The following SPG11 variants were observed in gnomAD, a reference collection of about 807,000 sequenced individuals.
The protein encoded by SPG11 is SPG11 vesicle trafficking associated, spatacsin.
In SPG11, 222 loss-of-function variants were observed where a neutral mutation model predicts 274.0. That is an observed-to-expected ratio of 0.81 (90% CI 0.73 to 0.91). The LOEUF (loss-of-function observed/expected upper bound fraction) is 0.91. Ranked by LOEUF, SPG11 falls within the 40% of genes least tolerant of loss-of-function variation. SPG11 has a pLI of 0.00. For synonymous variants in SPG11, 1,144 were observed against 1,039.7 expected (o/e 1.10, Z -1.93); for missense variants, 3,114 against 2,872.7 (o/e 1.08, Z -1.92).
intron 29 of SPG11, among the ~76,000 whole-genome samples, chr15:44,584,939 T>C (rs2082726792): frequency 1.3e-5 from 2 of 152,184 alleles, no homozygotes; most frequent in Non-Finnish European, 2.9e-5. Context: ...TTATCATACT[T>C]GTTAAAACCA....
At position 44,595,365 on chromosome 15, in the gene SPG11, G is replaced by C. The variant is rs1439216000; in HGVS notation, c.4529C>G (p.Thr1510Arg). 6.2e-7 allele frequency: 1 copy of C among 1,614,194 alleles called. No homozygotes were observed. The highest frequency in any genetic ancestry group is 1.7e-5 in the Admixed American group (1 of 60,024). Reference protein sequence around the residue: ...TEAMGHIQDSTEDHTWNLEDL... With the variant: ...TEAMGHIQDSREDHTWNLEDL... ...CTCAAGGTTCCAGGTATGGTCCTCTGTTGAGTCCTGAATGTGTCCCATTGC... is the reference window on the plus strand; with the variant it reads ...CTCAAGGTTCCAGGTATGGTCCTCTCTTGAGTCCTGAATGTGTCCCATTGC... The change falls in exon 26 of 40, where the codon ACA becomes AGA. Residue 1510 changes from threonine (T) to arginine (R), a missense_variant. Coordinates refer to ENST00000261866, the MANE Select transcript of SPG11 (RefSeq NM_025137.4).
At chr15:44,637,893 C>A (rs1011470297) in intron 7 of SPG11, among the ~76,000 whole-genome samples, 1 of 152,164 alleles carries the variant, frequency 6.6e-6, no homozygotes, top group Non-Finnish European at 1.5e-5. Context: ...TAGCTCCATG[C>A]ATGTTACTGC....
In SPG11 at chr15:44,579,059, G is replaced by A. The variant is rs1165976427; in HGVS notation, c.5867-4018C>T. 2.6e-5 allele frequency among the ~76,000 whole-genome samples: 4 copies of A among 152,146 alleles called. No homozygotes were observed. In the South Asian group the frequency reaches 8.3e-4, roughly 31 times the overall value. On this transcript the variant is annotated intron_variant, in intron 30 of 39. Coordinates refer to ENST00000261866, the MANE Select transcript of SPG11 (RefSeq NM_025137.4). ...TGTAATCCCAGCTACTCGGGAGGCT[G>A]AGACATGAGAATCTCTTGAACCTGG...
At chr15:44,571,496 C>CT (rs796235342) in intron 33 of SPG11, among the ~76,000 whole-genome samples, 8,430 of 126,116 alleles carry the variant, frequency 0.067, 424 homozygotes, top group East Asian at 0.16. Context: ...AATTTCTTTT[C>CT]TTTTTTTTTT....
chr15:44,574,513 G>C (rs1038270370), intron 31 of SPG11, among the ~76,000 whole-genome samples: 2 of 152,126 alleles, frequency 1.3e-5, no homozygotes, highest in Non-Finnish European at 2.9e-5. Context: ...AGGTACAGAC[G>C]ATTTCTGCTT....
intron 11 of SPG11, among the ~76,000 whole-genome samples, chr15:44,623,748 A>ACTTTC (rs2083818394): frequency 6.6e-6 from 1 of 152,062 alleles, no homozygotes; most frequent in Non-Finnish European, 1.5e-5. Context: ...CTAACAGAGT[A>ACTTTC]CTTTTCTTTT....
chr15:44,613,939 G>A (rs188592240), intron 16 of SPG11, among the ~76,000 whole-genome samples: 35 of 152,264 alleles, frequency 2.3e-4, no homozygotes, highest in African/African-American at 7.7e-4. Context: ...AGTTACTTGG[G>A]AGGCGGAGGT....
intron 15 of SPG11, among the ~76,000 whole-genome samples, chr15:44,618,766 G>A (rs555198480): frequency 7.4e-4 from 112 of 151,402 alleles, no homozygotes; most frequent in African/African-American, 2.7e-3. Context: ...CTTGTAGTGA[G>A]CCAATATCAC....
chr15:44,629,201 A>G lies in SPG11; in HGVS notation c.1891+32T>C, dbSNP rs2083987505. 4.3e-6 allele frequency: 7 copies of G among 1,610,444 alleles called. No individual in the cohort carries two copies. The East Asian group carries it at 1.6e-4, about 36-fold the overall frequency. On this transcript the variant is annotated intron_variant, in intron 9 of 39. Coordinates refer to ENST00000261866, the MANE Select transcript of SPG11 (RefSeq NM_025137.4). Reference sequence around the variant, plus strand: ...GTATCTGTTCTGACACAGGAACAGTAGAATTGCCCCCTTCCTAGCTGCTAT... The same window carrying G: ...GTATCTGTTCTGACACAGGAACAGTGGAATTGCCCCCTTCCTAGCTGCTAT...
At chr15:44,637,820 C>G (rs1212936994) in intron 7 of SPG11, among the ~76,000 whole-genome samples, 1 of 152,138 alleles carries the variant, frequency 6.6e-6, no homozygotes, top group East Asian at 1.9e-4. Context: ...CTTTTTTAAG[C>G]TGGCTATAAA....
chr15:44,585,556 C>T lies in SPG11; in HGVS notation c.5121+80G>A, dbSNP rs148235733. The T allele has an allele frequency of 5.9e-4, 694 of 1,183,780 alleles. 6 individuals carry two copies. In the African/African-American group the frequency reaches 9.4e-3, roughly 16 times the overall value. 73.3% of individuals were successfully genotyped at this position (1,183,780 alleles called of 1,614,324 possible). On this transcript the variant is annotated intron_variant, in intron 29 of 39. Coordinates refer to ENST00000261866, the MANE Select transcript of SPG11 (RefSeq NM_025137.4). ...GGCGGAGCTTGCAGCGAGCGGAGATCGCGCCACTGCACTCCAGCCTGGGTG... is the reference window on the plus strand; with the variant it reads ...GGCGGAGCTTGCAGCGAGCGGAGATTGCGCCACTGCACTCCAGCCTGGGTG...
chr15:44,605,763 A>C (rs912177682), intron 20 of SPG11, among the ~76,000 whole-genome samples: 1 of 152,234 alleles, frequency 6.6e-6, no homozygotes, highest in Non-Finnish European at 1.5e-5. Context: ...CTGGAAATGA[A>C]GAATAACTTT....
chr15:44,580,549 C>T (rs767634315), intron 30 of SPG11, among the ~76,000 whole-genome samples: 6 of 152,200 alleles, frequency 3.9e-5, no homozygotes, highest in Non-Finnish European at 7.3e-5. Flanking sequence ...GAGGCCGACG[C>T]GGGCAGATCA....
At chr15:44,599,355 G>C (rs1477617776) in intron 21 of SPG11, among the ~76,000 whole-genome samples, 1 of 152,074 alleles carries the variant, frequency 6.6e-6, no homozygotes, top group African/African-American at 2.4e-5. Context: ...CTGGAGTGCA[G>C]TGGTGTGATT....
chr15:44,620,037 C>T (rs1022108481), intron 15 of SPG11, 153 bp downstream of exon 15: 1 of 706,132 alleles, frequency 1.4e-6, no homozygotes, highest in African/African-American at 1.8e-5. Context: ...ATTTTAAAAC[C>T]TCACTGTAAG....
At chr15:44,626,265 C>T in intron 11 of SPG11, 66 bp downstream of exon 11, 1 of 1,388,904 alleles carries the variant, frequency 7.2e-7, no homozygotes, top group Non-Finnish European at 9.8e-7. Context: ...TGAATACAAA[C>T]CAATTTTATA....
At chr15:44,607,304 C>G (rs141742680) in intron 19 of SPG11, among the ~76,000 whole-genome samples, 2 of 152,242 alleles carry the variant, frequency 1.3e-5, no homozygotes, top group African/African-American at 4.8e-5. Flanking sequence ...TTTTTTGAGA[C>G]GGGGTCTCGC....
At chr15:44,589,706 T>C (rs1450107476) in intron 27 of SPG11, among the ~76,000 whole-genome samples, 1 of 152,252 alleles carries the variant, frequency 6.6e-6, no homozygotes, top group Non-Finnish European at 1.5e-5. Flanking sequence ...GAATGCTAAC[T>C]ACAGAGTTAA....
Position 44,651,836 on chromosome 15 carries a change from A to G in SPG11, c.1111T>C (p.Ser371Pro), listed in dbSNP as rs1236819982. The G allele has an allele frequency of 9.9e-6, 16 of 1,613,892 alleles. No individual in the cohort carries two copies. The highest frequency in any genetic ancestry group is 1.4e-5 in the Non-Finnish European group (16 of 1,179,956). The change falls in exon 6 of 40, where the codon TCA becomes CCA. Residue 371 changes from serine (S) to proline (P), a missense_variant. Coordinates refer to ENST00000261866, the MANE Select transcript of SPG11 (RefSeq NM_025137.4). ...PWFQDILHLESPESGNHSTSV... is the reference protein window; with the variant it reads ...PWFQDILHLEPPESGNHSTSV... ...GTACTGTGGTTACCAGATTCAGGTG[A>G]CTCCAAATGCAAAATATCCTGGAAC...
Sources: allele counts gnomAD v4.1 joint callset (sites outside exome capture counted in the v4.1 genomes callset), GRCh38; gene constraint gnomAD v4.1.1; transcripts MANE v1.5; gene names NCBI Gene and HGNC (gene_info 2026-07-23, HGNC 2026-07-21).